Variants in DOCK8 observed in about 807,000 individuals in gnomAD.
DOCK8 encodes dedicator of cytokinesis 8.
DOCK8 carries 141 observed loss-of-function variants against 245.6 expected under a neutral mutation model. The observed-to-expected ratio is 0.57, with a 90% CI of 0.50 to 0.66. The LOEUF is 0.66. Among genes scored for constraint, DOCK8 ranks in the 30% least tolerant of loss-of-function variants. The pLI is 0.00. For synonymous variants in DOCK8, 1,168 were observed against 970.2 expected (o/e 1.20, Z -3.79); for missense variants, 2,965 against 2,603.4 (o/e 1.14, Z -3.02).
At chr9:382,715 A>C (rs1165462840) in intron 22 of DOCK8, 30 bp downstream of exon 22, 2 of 1,612,748 alleles carry the variant, frequency 1.2e-6, no homozygotes, top group Admixed American at 3.3e-5. Context: ...GTGGAAGGGG[A>C]CACAGGCTTT....
At chr9:414,640 T>G (rs1018374013) in intron 28 of DOCK8, 142 bp from the exon 29 acceptor site, 1 of 939,440 alleles carries the variant, frequency 1.1e-6, no homozygotes, top group Non-Finnish European at 1.7e-6. Context: ...GTTTCTGGAT[T>G]CTATGTAGTT....
chr9:353,436 G>T (rs572893937), intron 14 of DOCK8, among the ~76,000 whole-genome samples: 27 of 152,176 alleles, frequency 1.8e-4, no homozygotes, highest in Non-Finnish European at 3.5e-4. Flanking sequence ...TTCATTGGCT[G>T]TTTCTTTAAA....
chr9:349,611 G>A (rs916235169), intron 14 of DOCK8, among the ~76,000 whole-genome samples: 1 of 152,180 alleles, frequency 6.6e-6, no homozygotes, highest in African/African-American at 2.4e-5. Flanking sequence ...TCACTTGATA[G>A]GGGTGACATG....
At chr9:350,111 C>G (rs956270124) in intron 14 of DOCK8, among the ~76,000 whole-genome samples, 1 of 152,100 alleles carries the variant, frequency 6.6e-6, no homozygotes, top group Non-Finnish European at 1.5e-5. Context: ...TCATGCCCTT[C>G]TTTCATTTTC....
chr9:280,311 AGTGAC>A (rs1207886484), intron 2 of DOCK8, among the ~76,000 whole-genome samples: 1 of 152,228 alleles, frequency 6.6e-6, no homozygotes, highest in Non-Finnish European at 1.5e-5. Context: ...GCTTGAGGGA[AGTGAC>A]GGTTTCTTTA....
Position 234,694 on chromosome 9 carries a change from A to C in DOCK8, c.53+19665A>C, listed in dbSNP as rs10117903. On this transcript the variant is annotated intron_variant, in intron 1 of 47. Transcript: ENST00000432829. Reference sequence around the variant, plus strand: ...TTTTTTCCAGTTGGTCACATCGGCTACTGAGGCTTCTGCATTCATCACGTA... The same window carrying C: ...TTTTTTCCAGTTGGTCACATCGGCTCCTGAGGCTTCTGCATTCATCACGTA... Among the ~76,000 whole-genome samples the C allele has an allele frequency of 5.7e-3, 875 of 152,208 alleles. 5 individuals carry two copies. The highest frequency in any genetic ancestry group is 0.02 in the African/African-American group (814 of 41,534).
At chr9:387,934 A>C (rs2131336158) in intron 23 of DOCK8, among the ~76,000 whole-genome samples, 1 of 152,298 alleles carries the variant, frequency 6.6e-6, no homozygotes, top group South Asian at 2.1e-4. Flanking sequence ...TTTCAAAGGG[A>C]AGTTTGGCCA....
intron 18 of DOCK8, 65 bp from the exon 19 acceptor site, chr9:376,145 A>T: frequency 8.6e-7 from 1 of 1,156,728 alleles, no homozygotes; most frequent in Non-Finnish European, 1.3e-6. Flanking sequence ...GTTGGTCTGC[A>T]TTGCTTGTTA....
intron 24 of DOCK8, among the ~76,000 whole-genome samples, chr9:394,665 G>T (rs1003698315): frequency 6.6e-6 from 1 of 152,172 alleles, no homozygotes; most frequent in African/African-American, 2.4e-5. Flanking sequence ...GAGATAAATG[G>T]GTGACCTAGT....
chr9:317,194 TG>T (rs1186914405), intron 7 of DOCK8, 66 bp downstream of exon 7: 13 of 1,306,188 alleles, frequency 1.0e-5, no homozygotes, highest in Non-Finnish European at 1.2e-5. Flanking sequence ...ACAAATGTTG[TG>T]TTTATTATCA....
chr9:277,909 C>A (rs377236508), intron 2 of DOCK8, among the ~76,000 whole-genome samples: 129 of 152,276 alleles, frequency 8.5e-4, no homozygotes, highest in African/African-American at 3.1e-3. Context: ...AATAAAGCAG[C>A]CTTTTTTATT....
At chr9:337,602 G>A (rs1208014474) in intron 12 of DOCK8, among the ~76,000 whole-genome samples, 1 of 151,608 alleles carries the variant, frequency 6.6e-6, no homozygotes, top group Non-Finnish European at 1.5e-5. Context: ...GCTCAGAGAG[G>A]GTGACCATTC....
At chr9:310,426 A>G (rs190474502) in intron 5 of DOCK8, among the ~76,000 whole-genome samples, 6 of 152,300 alleles carry the variant, frequency 3.9e-5, no homozygotes, top group Admixed American at 3.9e-4. Flanking sequence ...TTCTCTGTTG[A>G]TTTTTACAGT....
At chr9:214,128 G>C (rs1038946073), upstream of DOCK8, 1 of 255,770 alleles carries the variant, frequency 3.9e-6, no homozygotes, top group Non-Finnish European at 7.5e-6. Flanking sequence ...GCACCTTGAA[G>C]CGAACACGGG....
chr9:458,169 G>C (rs992837455), intron 46 of DOCK8: 1 of 152,216 alleles, frequency 6.6e-6, no homozygotes, highest in East Asian at 1.9e-4. Flanking sequence ...GCCTCATAAA[G>C]TCATCAGAGA....
chr9:419,429 A>G (rs2056180984), intron 30 of DOCK8, among the ~76,000 whole-genome samples: 1 of 152,344 alleles, frequency 6.6e-6, no homozygotes, highest in South Asian at 2.1e-4. Flanking sequence ...TTGAGGTGGT[A>G]TATGCCTTTT....
intron 8 of DOCK8, among the ~76,000 whole-genome samples, 183 bp from the exon 9 acceptor site, chr9:327,839 C>T (rs1211814554): frequency 6.6e-6 from 1 of 152,178 alleles, no homozygotes; most frequent in Non-Finnish European, 1.5e-5. Flanking sequence ...TCCAGAATAC[C>T]TAGACATTGT....
intron 1 of DOCK8, among the ~76,000 whole-genome samples, chr9:244,937 C>T (rs1251721251): frequency 2.0e-5 from 3 of 152,162 alleles, no homozygotes; most frequent in South Asian, 4.1e-4. Context: ...CAGGGGAATT[C>T]ATGAAGAGAC....
At chr9:249,283 TA>T (rs113730834) in intron 1 of DOCK8, among the ~76,000 whole-genome samples, 10,123 of 152,214 alleles carry the variant, frequency 0.067, 371 homozygotes, top group African/African-American at 0.093. Flanking sequence ...TGTCCAACAA[TA>T]AACTCTGCGA....
Sources: allele counts gnomAD v4.1 joint callset (sites outside exome capture counted in the v4.1 genomes callset), GRCh38; gene constraint gnomAD v4.1.1; transcripts MANE v1.5; gene names NCBI Gene and HGNC (gene_info 2026-07-23, HGNC 2026-07-21).